The following KIAA1549L variants were observed in gnomAD, a reference collection of about 807,000 sequenced individuals.
KIAA1549L encodes the protein UPF0606 protein KIAA1549L.
KIAA1549L carries 88 observed loss-of-function variants against 160.7 expected under a neutral mutation model. The ratio of observed to expected loss-of-function variants is 0.55; its 90% CI spans 0.46 to 0.65. KIAA1549L has a LOEUF of 0.65. Ranked by LOEUF, KIAA1549L falls within the 30% of genes least tolerant of loss-of-function variation. The pLI is 0.00. For synonymous variants in KIAA1549L, 950 were observed against 976.7 expected, an observed-to-expected ratio of 0.97 and a Z score of 0.51; for missense variants, 2,258 against 2,437.5, an observed-to-expected ratio of 0.93 and a Z score of 1.55.
At chr11:33,457,017 C>T (rs1443076965) in intron 1 of KIAA1549L, among the ~76,000 whole-genome samples, 7 of 152,168 alleles carry the variant, frequency 4.6e-5, no homozygotes, top group East Asian at 1.9e-4. Context: ...TCAAGGATCA[C>T]GGATGAGAAT....
At chr11:33,661,086 G>A in intron 20 of KIAA1549L, 72 bp downstream of exon 20, 3 of 1,425,612 alleles carry the variant, frequency 2.1e-6, no homozygotes, top group Non-Finnish European at 2.8e-6. Context: ...TTAGATAAAA[G>A]GTTGAGACTG....
chr11:33,430,971 G>A (rs1270238264), intron 1 of KIAA1549L, among the ~76,000 whole-genome samples: 2 of 152,006 alleles, frequency 1.3e-5, no homozygotes, highest in Non-Finnish European at 2.9e-5. Context: ...AAGGTGGCGC[G>A]TCTGGAGTTT....
chr11:33,618,120 C>T (rs902936229), intron 15 of KIAA1549L, among the ~76,000 whole-genome samples: 7 of 152,168 alleles, frequency 4.6e-5, no homozygotes, highest in African/African-American at 7.2e-5. Flanking sequence ...TAGAATCCTG[C>T]GTGTGAAACC....
chr11:33,655,310 C>T (rs951368108), intron 17 of KIAA1549L, among the ~76,000 whole-genome samples: 1 of 152,156 alleles, frequency 6.6e-6, no homozygotes, highest in African/African-American at 2.4e-5. Flanking sequence ...TCTGAGCAAG[C>T]ATTGTTGTCC....
chr11:33,461,181 A>G (rs1242954131), intron 1 of KIAA1549L, among the ~76,000 whole-genome samples: 1 of 149,366 alleles, frequency 6.7e-6, no homozygotes, highest in Non-Finnish European at 1.5e-5. Context: ...AAAAAAAAAT[A>G]TTTTTATAGA....
At position 33,661,012 on chromosome 11, in the gene KIAA1549L, T is replaced by G; in HGVS notation, c.6157T>G (p.Ser2053Ala). The G allele has an allele frequency of 6.2e-7, 1 of 1,608,036 alleles. No homozygotes were observed. The highest frequency in any genetic ancestry group is 1.7e-5 in the Admixed American group (1 of 59,158). Residue 2053 changes from serine (S) to alanine (A), a missense_variant and splice_region_variant, in exon 20 of 21, where the codon TCG (serine) becomes GCG (alanine). Coordinates refer to ENST00000658780, the MANE Select transcript of KIAA1549L (RefSeq NM_012194.3). The part of the protein sequence containing the change: ...ENELPSQWAD[S>A]VPLPGYIEAY... ...TGAGCTCCCGAGCCAGTGGGCAGAT[T>G]CGGTGAGACCCTTGCTCTTCACCTC...
At position 33,545,268 on chromosome 11, in the gene KIAA1549L, C is replaced by T. The variant is rs756974685; in HGVS notation, c.3275C>T (p.Ala1092Val). 1.2e-6 allele frequency: 2 copies of T among 1,613,980 alleles called. No homozygotes were observed. The highest frequency in any genetic ancestry group is 1.7e-6 in the Non-Finnish European group (2 of 1,179,904). The change falls in exon 3 of 21, where the codon GCA becomes GTA. Residue 1092 changes from alanine to valine, a missense_variant. Physicochemically the swap from Ala to Val is moderately conservative, Grantham distance 64 (BLOSUM62 0). Coordinates refer to ENST00000658780, the MANE Select transcript of KIAA1549L (RefSeq NM_012194.3). ...GCCACCCGGTTGCCACCATTGCGAGCAGAAAACACAGATGCTGTCCTTCCT... is the reference window on the plus strand; with the variant it reads ...GCCACCCGGTTGCCACCATTGCGAGTAGAAAACACAGATGCTGTCCTTCCT... ...VKATRLPPLRAENTDAVLPAA... is the reference protein window; with the variant it reads ...VKATRLPPLRVENTDAVLPAA...
chr11:33,647,018 C>T (rs1475983028), intron 17 of KIAA1549L, among the ~76,000 whole-genome samples: 4 of 152,010 alleles, frequency 2.6e-5, no homozygotes, highest in Non-Finnish European at 5.9e-5. Flanking sequence ...ACGTCCTAGA[C>T]TTGTAAAGAT....
chr11:33,552,052 C>A, intron 5 of KIAA1549L, 56 bp from the exon 6 acceptor site: 1 of 1,592,872 alleles, frequency 6.3e-7, no homozygotes, highest in South Asian at 1.1e-5. Context: ...ACTGTTAAAT[C>A]CAAGGAACTG....
Position 33,537,674 on chromosome 11 carries a change from C to T in KIAA1549L, c.239-4128C>T, listed in dbSNP as rs113383276. Reference sequence around the variant, plus strand: ...GTTCTGTCCCTGGAGCACTAAATAACACATCCAGTTTCTTTTTCACATGTT... The same window carrying T: ...GTTCTGTCCCTGGAGCACTAAATAATACATCCAGTTTCTTTTTCACATGTT... On this transcript the variant is annotated intron_variant, in intron 1 of 20. Transcript: ENST00000658780. Among the ~76,000 whole-genome samples, 673 of 152,326 alleles carry T rather than the reference C, an allele frequency of 4.4e-3. 10 individuals are homozygous for T. Among genetic ancestry groups the T allele is most frequent in the African/African-American group, 0.015 (625 of 41,586 alleles).
chr11:33,639,555 T>G (rs1205154781), intron 16 of KIAA1549L, among the ~76,000 whole-genome samples: 1 of 152,186 alleles, frequency 6.6e-6, no homozygotes, highest in Admixed American at 6.5e-5. Context: ...TATTATTATT[T>G]TTGAGATGGA....
intron 16 of KIAA1549L, among the ~76,000 whole-genome samples, chr11:33,645,386 C>T (rs1026597797): frequency 3.0e-4 from 45 of 152,142 alleles, no homozygotes; most frequent in Admixed American, 1.3e-4. Context: ...TAGAAAGTAC[C>T]GTTAATGTCA....
Position 33,440,120 on chromosome 11 carries a change from C to CTTTTTTTTTT in KIAA1549L, c.238+63249_238+63258dup, listed in dbSNP as rs201551936. On this transcript the variant is annotated intron_variant, in intron 1 of 20. Coordinates refer to ENST00000658780, the MANE Select transcript of KIAA1549L (RefSeq NM_012194.3). ...GGTTATTTCCTCACCTATTTTGTTT[C>CTTTTTTTTTT]TTTTTTTTTTTTTTTTTTTTTTTTT... 5.2e-4 allele frequency among the ~76,000 whole-genome samples: 43 copies of CTTTTTTTTTT among 83,418 alleles called. 3 individuals carry two copies. The highest frequency in any genetic ancestry group is 1.9e-3 in the South Asian group (4 of 2,116). The allele number at this position is 83,418 out of a possible 152,430, so 54.7% of individuals were successfully genotyped here.
At chr11:33,665,838 G>A (rs1316346770) in intron 20 of KIAA1549L, among the ~76,000 whole-genome samples, 1 of 152,106 alleles carries the variant, frequency 6.6e-6, no homozygotes, top group Non-Finnish European at 1.5e-5. Flanking sequence ...CCAGGCAGCA[G>A]AAGCAGACAC....
At position 33,541,802 on chromosome 11, in the gene KIAA1549L, G is replaced by A. The variant is rs980089203; in HGVS notation, c.239G>A (p.Gly80Glu). ...GACGGCCTGATATTTTGTTTCACAG[G>A]AACAGACAATCTACAGATGAATGTC... is the stretch of plus-strand genomic sequence containing the variant. The part of the protein sequence containing the change: ...ALLEHGQADP[G>E]TDNLQMNVTR... The change falls in exon 2 of 21, where the codon GGA (glycine) becomes GAA (glutamate). Residue 80 changes from glycine (G) to glutamate (E), a missense_variant and splice_region_variant. Around this residue, in one of 6 missense-constraint regions of KIAA1549L, gnomAD observed 540 missense variants for 465.7 expected, o/e 1.16. Transcript: ENST00000658780. 5 of 261,740 alleles carry A rather than the reference G, an allele frequency of 1.9e-5. No individual in the cohort carries two copies. Among genetic ancestry groups the A allele is most frequent in the African/African-American group, 1.1e-4 (5 of 45,352 alleles). 16.2% of individuals were successfully genotyped at this position (261,740 alleles called of 1,614,324 possible).
In KIAA1549L at chr11:33,591,904, G is replaced by A. The variant is rs113438606; in HGVS notation, c.4751+483G>A. ...CCAGGAGTCTCATGATGGAGGAGGC[G>A]GAGAGAAAAATAACTGGAATACCGA... On this transcript the variant is annotated intron_variant, in intron 12 of 20. Transcript: ENST00000658780. Among the ~76,000 whole-genome samples the A allele has an allele frequency of 6.2e-3, 946 of 152,266 alleles. 5 individuals carry two copies. The highest frequency in any genetic ancestry group is 0.011 in the Non-Finnish European group (718 of 68,020).
rs369509234 is a variant in KIAA1549L at position 33,453,227 on chromosome 11, G to A, written c.238+76338G>A. Among the ~76,000 whole-genome samples, 191 of 152,260 alleles carry A rather than the reference G, an allele frequency of 1.3e-3. 1 individual carries two copies. Among genetic ancestry groups the A allele is most frequent in the African/African-American group, 4.6e-3 (190 of 41,546 alleles). ...CTGTGAAAATTTGAGATTTCATGGA[G>A]TCATATTTCTGAAAAGAACATCTGT... On this transcript the variant is annotated intron_variant, in intron 1 of 20. Coordinates refer to ENST00000658780, the MANE Select transcript of KIAA1549L (RefSeq NM_012194.3).
chr11:33,383,674 C>T (rs895084917), intron 1 of KIAA1549L, among the ~76,000 whole-genome samples: 3 of 152,112 alleles, frequency 2.0e-5, no homozygotes, highest in African/African-American at 7.2e-5. Flanking sequence ...AACTCTCACT[C>T]GGGCAGGTGT....
intron 1 of KIAA1549L, among the ~76,000 whole-genome samples, chr11:33,520,655 C>T (rs1380732529): frequency 6.8e-6 from 1 of 146,264 alleles, no homozygotes; most frequent in Admixed American, 6.9e-5. Context: ...CCCAGAAAGG[C>T]AATTGGTGGA....
Sources: gnomAD v4.1 joint callset for allele counts (sites outside exome capture counted in the v4.1 genomes callset) on GRCh38, gnomAD v4.1.1 for gene constraint, gnomAD v4.1.1 regional missense constraint, MANE v1.5 for transcripts, NCBI Gene and HGNC (gene_info 2026-07-23, HGNC 2026-07-21) for gene names.